The following DNAH11 variants were observed in gnomAD, a reference collection of about 807,000 sequenced individuals.
DNAH11 encodes the protein dynein axonemal heavy chain 11.
In DNAH11, 442 loss-of-function variants were observed where a neutral mutation model predicts 526.0. The observed-to-expected ratio is 0.84, with a 90% CI of 0.78 to 0.91. The LOEUF is 0.91. Ranked by LOEUF, DNAH11 falls within the 40% of genes least tolerant of loss-of-function variation. The probability of loss-of-function intolerance (pLI) is 0.00; values close to 1 mark genes in which losing one functional copy is unlikely to be tolerated. For synonymous variants in DNAH11, 2,461 were observed against 1,935.9 expected (o/e 1.27, Z -7.12); for missense variants, 6,989 against 5,448.7 (o/e 1.28, Z -8.90).
intron 38 of DNAH11, 60 bp downstream of exon 38, chr7:21,704,688 G>A: frequency 6.5e-7 from 1 of 1,547,470 alleles, no homozygotes; most frequent in South Asian, 1.2e-5. Flanking sequence ...AATAATTGTG[G>A]CTAATTGATA....
chr7:21,869,144 A>C (rs1783403954), intron 73 of DNAH11, among the ~76,000 whole-genome samples, 153 bp downstream of exon 73: 1 of 152,204 alleles, frequency 6.6e-6, no homozygotes, highest in South Asian at 2.1e-4. Flanking sequence ...ATGCCTGCAA[A>C]GATGGTGAGG....
intron 25 of DNAH11, among the ~76,000 whole-genome samples, chr7:21,630,314 C>G (rs976220004): frequency 6.6e-6 from 1 of 151,894 alleles, no homozygotes; most frequent in African/African-American, 2.4e-5. Flanking sequence ...ATAGATTTGT[C>G]TTTTGGGCTT....
chr7:21,588,561 G>T lies in DNAH11; in HGVS notation c.1898G>T (p.Gly633Val), dbSNP rs773421259. 6 of 1,613,564 alleles carry T rather than the reference G, an allele frequency of 3.7e-6. No homozygotes were observed. The South Asian group carries it at 5.5e-5, about 15-fold the overall frequency. Residue 633 changes from glycine (G) to valine (V), a missense_variant, in exon 11 of 82, where the codon GGA becomes GTA. Physicochemically the swap from Gly to Val is moderately radical, Grantham distance 109. Coordinates refer to ENST00000409508, the MANE Select transcript of DNAH11 (RefSeq NM_001277115.2). ...AACAAGAACATGCCATTTACCTCAG[G>T]AAATATGAAATGGGCCCAGCAGGTT... ...VLNKNMPFTS[G>V]NMKWAQQVLQ...
intron 40 of DNAH11, 101 bp downstream of exon 40, chr7:21,707,936 A>G: frequency 8.0e-7 from 1 of 1,244,352 alleles, no homozygotes; most frequent in Non-Finnish European, 1.1e-6. Flanking sequence ...CTTACTGTTT[A>G]TGTGTTGGCA....
At chr7:21,673,311 CTT>C (rs1255674721) in intron 30 of DNAH11, among the ~76,000 whole-genome samples, 1 of 152,146 alleles carries the variant, frequency 6.6e-6, no homozygotes, top group Non-Finnish European at 1.5e-5. Flanking sequence ...GGCAGGTAAT[CTT>C]ATATTCTCAT....
chr7:21,583,600 A>G (rs747278363), intron 9 of DNAH11, among the ~76,000 whole-genome samples: 2 of 152,232 alleles, frequency 1.3e-5, no homozygotes, highest in African/African-American at 4.8e-5. Flanking sequence ...AATTAAACTA[A>G]AATGCGTCTC....
chr7:21,681,770 TG>T (rs770359467), intron 31 of DNAH11, 93 bp downstream of exon 31: 1 of 1,499,920 alleles, frequency 6.7e-7, no homozygotes, highest in African/African-American at 1.4e-5. Context: ...GTTGTTTTTT[TG>T]AAAGTTTGTA....
intron 10 of DNAH11, 38 bp downstream of exon 10, chr7:21,588,239 A>G: frequency 6.3e-7 from 1 of 1,585,198 alleles, no homozygotes. Flanking sequence ...TTACAATATC[A>G]TTTAGGCGGA....
rs75478680 is a variant in DNAH11 at position 21,716,342 on chromosome 7, A to G, written c.6984-1433A>G. On this transcript the variant is annotated intron_variant, in intron 42 of 81. Transcript: ENST00000409508. The stretch of plus-strand genomic sequence containing the variant: ...GTACTAATGAGTAACGTTTATTGAG[A>G]ATTTATTTGTCAGATGCTAATGTAA... Among the ~76,000 whole-genome samples the G allele has an allele frequency of 7.2e-5, 11 of 152,266 alleles. No individual in the cohort carries two copies. The East Asian group carries it at 2.1e-3, about 29-fold the overall frequency.
intron 13 of DNAH11, 61 bp from the exon 14 acceptor site, chr7:21,591,124 T>C (rs1262551186): frequency 6.6e-7 from 1 of 1,522,516 alleles, no homozygotes; most frequent in South Asian, 1.4e-5. Context: ...TTTACACCTT[T>C]AAGACAGAGA....
At chr7:21,632,202 C>T (rs1268239782) in intron 25 of DNAH11, among the ~76,000 whole-genome samples, 3 of 152,182 alleles carry the variant, frequency 2.0e-5, no homozygotes, top group African/African-American at 7.2e-5. Context: ...GCACACAGCA[C>T]AGGAACCCTG....
At chr7:21,728,632 C>A (rs938460389) in intron 45 of DNAH11, among the ~76,000 whole-genome samples, 1 of 152,198 alleles carries the variant, frequency 6.6e-6, no homozygotes, top group Non-Finnish European at 1.5e-5. Flanking sequence ...ATATCATCTA[C>A]ATGATACATT....
At chr7:21,632,905 T>C (rs892205511) in intron 25 of DNAH11, among the ~76,000 whole-genome samples, 7 of 152,218 alleles carry the variant, frequency 4.6e-5, no homozygotes, top group Admixed American at 6.5e-5. Context: ...ATTTTCATGC[T>C]GCTGATAAAG....
chr7:21,753,195 G>T (rs1786486364), intron 54 of DNAH11, among the ~76,000 whole-genome samples: 1 of 152,082 alleles, frequency 6.6e-6, no homozygotes, highest in South Asian at 2.1e-4. Context: ...CTGATCACAG[G>T]TGGGTGCAGT....
intron 23 of DNAH11, 140 bp from the exon 24 acceptor site, chr7:21,618,960 T>C (rs1785910306): frequency 1.2e-5 from 13 of 1,103,532 alleles, no homozygotes; most frequent in Non-Finnish European, 1.7e-5. Flanking sequence ...TCTTAGATTC[T>C]CCACGTATTT....
At chr7:21,547,356 A>T (rs1451363201) in intron 2 of DNAH11, among the ~76,000 whole-genome samples, 1 of 152,128 alleles carries the variant, frequency 6.6e-6, no homozygotes, top group Non-Finnish European at 1.5e-5. Flanking sequence ...CAAAGGATGG[A>T]CTCGGAGACA....
At chr7:21,770,591 A>G (rs1430243489) in intron 55 of DNAH11, among the ~76,000 whole-genome samples, 3 of 152,320 alleles carry the variant, frequency 2.0e-5, no homozygotes, top group Middle Eastern at 3.4e-3. Flanking sequence ...GAGGCCCAAG[A>G]GTAAATAATG....
intron 55 of DNAH11, among the ~76,000 whole-genome samples, chr7:21,767,928 C>T (rs1275717793): frequency 2.0e-5 from 3 of 151,876 alleles, no homozygotes; most frequent in Non-Finnish European, 4.4e-5. Flanking sequence ...ACAAGGTGAC[C>T]CCCTTTGGCC....
chr7:21,652,841 G>C (rs1308815577), intron 28 of DNAH11, among the ~76,000 whole-genome samples: 1 of 151,970 alleles, frequency 6.6e-6, no homozygotes, highest in African/African-American at 2.4e-5. Flanking sequence ...ATCAAAAGAG[G>C]GGCCTACGAA....
Sources: gnomAD v4.1 joint callset for allele counts (sites outside exome capture counted in the v4.1 genomes callset) on GRCh38, gnomAD v4.1.1 for gene constraint, MANE v1.5 for transcripts, NCBI Gene and HGNC (gene_info 2026-07-23, HGNC 2026-07-21) for gene names.